KPNA6: variants seen among roughly 807,000 people sequenced by gnomAD.
The protein encoded by KPNA6 is karyopherin subunit alpha 6, also known as importin subunit alpha-7.
Under a neutral mutation model 72.0 loss-of-function variants are expected in KPNA6, and 9 were observed. That is an observed-to-expected ratio of 0.13 (90% CI 0.08 to 0.22). The LOEUF is 0.22. Ranked by LOEUF, KPNA6 falls within the 10% of genes least tolerant of loss-of-function variation. KPNA6 has a pLI of 1.00. For synonymous variants in KPNA6, 219 were observed against 242.1 expected (o/e 0.90, Z 0.89); for missense variants, 374 against 655.7 (o/e 0.57, Z 4.69).
intron 2 of KPNA6, among the ~76,000 whole-genome samples, chr1:32,155,131 A>T (rs1322707118): frequency 6.7e-6 from 1 of 150,196 alleles, no homozygotes; most frequent in Non-Finnish European, 1.5e-5. Flanking sequence ...AAAAAAAAAA[A>T]AAGAAAAGTA....
intron 1 of KPNA6, among the ~76,000 whole-genome samples, chr1:32,115,026 G>A (rs748246438): frequency 6.6e-6 from 1 of 152,114 alleles, no homozygotes; most frequent in Non-Finnish European, 1.5e-5. Context: ...TTTTTATAGA[G>A]ACAGTGTTTC....
chr1:32,122,606 G>A (rs560623286), intron 1 of KPNA6, among the ~76,000 whole-genome samples: 30 of 152,174 alleles, frequency 2.0e-4, no homozygotes, highest in Admixed American at 1.5e-3. Flanking sequence ...GCAACTTAGC[G>A]AGACCCTTTC....
intron 1 of KPNA6, among the ~76,000 whole-genome samples, chr1:32,136,035 A>C (rs772380216): frequency 5.9e-5 from 9 of 152,208 alleles, no homozygotes; most frequent in Non-Finnish European, 1.2e-4. Context: ...TTGTATTAAC[A>C]ATTTAACCAG....
At chr1:32,135,084 A>G (rs1378434376) in intron 1 of KPNA6, among the ~76,000 whole-genome samples, 1 of 150,138 alleles carries the variant, frequency 6.7e-6, no homozygotes, top group African/African-American at 2.5e-5. Context: ...TTATTTATTT[A>G]CAGACAGAGT....
chr1:32,148,152 T>C (rs1641964106), intron 1 of KPNA6, among the ~76,000 whole-genome samples: 2 of 152,230 alleles, frequency 1.3e-5, no homozygotes, highest in Non-Finnish European at 2.9e-5. Context: ...TCACCCAGGC[T>C]GGAGTACAGT....
In KPNA6 at chr1:32,171,804, T is replaced by C. The variant is rs1642442260; in HGVS notation, c.*910T>C. ...TTTACTTGAAAATTCCCCCTCGAGG[T>C]TGAGAGAACCTCTGAGGTGGCTGTA... On this transcript the variant is annotated 3_prime_UTR_variant, in exon 14 of 14. Transcript: ENST00000373625. The C allele has an allele frequency of 6.6e-6, 1 of 152,104 alleles. No individual in the cohort carries two copies. Among genetic ancestry groups the C allele is most frequent in the Non-Finnish European group, 1.5e-5 (1 of 68,010 alleles). The allele number at this position is 152,104 out of a possible 1,614,324, so 9.4% of individuals were successfully genotyped here. A position where few individuals can be genotyped will look rare whatever the true frequency, so the allele number is the denominator to read the frequency against.
chr1:32,122,667 T>C (rs1641454658), intron 1 of KPNA6, among the ~76,000 whole-genome samples: 1 of 151,530 alleles, frequency 6.6e-6, no homozygotes, highest in Non-Finnish European at 1.5e-5. Flanking sequence ...TTTAAGAAGT[T>C]TGGGTGGGCC....
chr1:32,121,549 A>C (rs1641432988), intron 1 of KPNA6, among the ~76,000 whole-genome samples: 1 of 152,228 alleles, frequency 6.6e-6, no homozygotes, highest in Admixed American at 6.5e-5. Flanking sequence ...GTGATTCATC[A>C]ACACTCAGGA....
At chr1:32,138,648 TAC>T (rs1481211156) in intron 1 of KPNA6, among the ~76,000 whole-genome samples, 1 of 151,504 alleles carries the variant, frequency 6.6e-6, no homozygotes, top group Non-Finnish European at 1.5e-5. Context: ...AGGATTTTGG[TAC>T]ACACTGACAT....
chr1:32,143,983 A>G (rs1479720896), intron 1 of KPNA6, among the ~76,000 whole-genome samples: 2 of 152,188 alleles, frequency 1.3e-5, no homozygotes, highest in African/African-American at 4.8e-5. Flanking sequence ...TCCACAGGCA[A>G]TATATTCCAA....
chr1:32,145,459 T>C (rs1247426754), intron 1 of KPNA6, among the ~76,000 whole-genome samples: 4 of 151,432 alleles, frequency 2.6e-5, no homozygotes, highest in Non-Finnish European at 5.9e-5. Flanking sequence ...TGAGTAGCTG[T>C]GATTACAGGC....
chr1:32,130,384 T>C (rs1641615856), intron 1 of KPNA6, among the ~76,000 whole-genome samples: 2 of 152,078 alleles, frequency 1.3e-5, no homozygotes, highest in Non-Finnish European at 2.9e-5. Context: ...ACAGAGGTCC[T>C]CTCCCAGCAG....
intron 12 of KPNA6, among the ~76,000 whole-genome samples, chr1:32,168,702 C>G (rs1187372066): frequency 1.3e-5 from 2 of 152,064 alleles, no homozygotes; most frequent in Non-Finnish European, 2.9e-5. Flanking sequence ...AATAAAGGTA[C>G]AGGAATCAGA....
chr1:32,167,335 A>C (rs757798010), intron 12 of KPNA6, 39 bp downstream of exon 12: 14 of 1,612,222 alleles, frequency 8.7e-6, no homozygotes, highest in Admixed American at 1.7e-5. Flanking sequence ...ATGATAATGG[A>C]TGCTCTCCCT....
At chr1:32,153,668 C>T (rs1642081291) in intron 1 of KPNA6, among the ~76,000 whole-genome samples, 1 of 151,576 alleles carries the variant, frequency 6.6e-6, no homozygotes, top group South Asian at 2.1e-4. Flanking sequence ...AACATGAAAT[C>T]TAACCTCATT....
intron 1 of KPNA6, among the ~76,000 whole-genome samples, chr1:32,151,722 G>T (rs1642036268): frequency 6.6e-6 from 1 of 152,128 alleles, no homozygotes; most frequent in Non-Finnish European, 1.5e-5. Flanking sequence ...CTGCATTGCT[G>T]TTGCCCGATG....
chr1:32,135,557 T>C (rs1641719569), intron 1 of KPNA6, among the ~76,000 whole-genome samples: 1 of 150,690 alleles, frequency 6.6e-6, no homozygotes, highest in Admixed American at 6.6e-5. Flanking sequence ...GGTCTTGAAC[T>C]CCTGACCTCA....
chr1:32,142,083 C>T (rs1486984187), intron 1 of KPNA6, among the ~76,000 whole-genome samples: 2 of 151,532 alleles, frequency 1.3e-5, no homozygotes, highest in African/African-American at 2.4e-5. Context: ...ATGGTGAGAC[C>T]GTCTCTACTA....
intron 12 of KPNA6, among the ~76,000 whole-genome samples, chr1:32,169,420 G>A (rs1304627645): frequency 6.6e-6 from 1 of 151,214 alleles, no homozygotes; most frequent in African/African-American, 2.4e-5. Flanking sequence ...CATGGAATGG[G>A]GTGTTGCACA....
Sources: gnomAD v4.1 joint callset for allele counts (sites outside exome capture counted in the v4.1 genomes callset) on GRCh38, gnomAD v4.1.1 for gene constraint, MANE v1.5 for transcripts, NCBI Gene and HGNC (gene_info 2026-07-23, HGNC 2026-07-21) for gene names.